Variants in DENND1B observed in about 807,000 individuals in gnomAD.
DENND1B encodes the protein DENN domain containing 1B.
DENND1B carries 59 observed loss-of-function variants against 90.1 expected under a neutral mutation model. The observed-to-expected ratio is 0.65, with a 90% confidence interval of 0.53 to 0.81. DENND1B has a LOEUF of 0.81. DENND1B is among the 40% of genes least tolerant of loss of function. The pLI, the probability that DENND1B is intolerant of heterozygous loss-of-function variation, is 0.00. For synonymous variants in DENND1B, 337 were observed against 324.6 expected (o/e 1.04, Z -0.41); for missense variants, 862 against 912.6 (o/e 0.94, Z 0.71).
intron 16 of DENND1B, among the ~76,000 whole-genome samples, chr1:197,548,062 A>C (rs1417214718): frequency 2.0e-5 from 3 of 152,230 alleles, no homozygotes; most frequent in Admixed American, 1.3e-4. Context: ...AGCATTCTGT[A>C]ACCTTTGTCA....
At chr1:197,618,902 C>T (rs990334171) in intron 10 of DENND1B, among the ~76,000 whole-genome samples, 3 of 151,080 alleles carry the variant, frequency 2.0e-5, no homozygotes, top group Admixed American at 6.6e-5. Context: ...ACAAAGCTAT[C>T]CAAATCCTAT....
intron 5 of DENND1B, among the ~76,000 whole-genome samples, chr1:197,659,197 GT>G (rs1390950305): frequency 2.0e-5 from 3 of 151,436 alleles, no homozygotes; most frequent in Admixed American, 6.6e-5. Context: ...AGAAAATATT[GT>G]GATGCTTTTA....
At chr1:197,602,812 A>T (rs934088329) in intron 13 of DENND1B, among the ~76,000 whole-genome samples, 1 of 151,626 alleles carries the variant, frequency 6.6e-6, no homozygotes. Flanking sequence ...ACTTGAATGT[A>T]GATATTCAAA....
chr1:197,696,304 A>C (rs1191648719), intron 3 of DENND1B, among the ~76,000 whole-genome samples: 1 of 151,562 alleles, frequency 6.6e-6, no homozygotes, highest in Non-Finnish European at 1.5e-5. Context: ...AATTTCTACC[A>C]AGATTTGATT....
At chr1:197,584,147 T>C (rs1674489213) in intron 14 of DENND1B, among the ~76,000 whole-genome samples, 1 of 152,010 alleles carries the variant, frequency 6.6e-6, no homozygotes, top group Non-Finnish European at 1.5e-5. Context: ...AATAGAACTT[T>C]GAAAAAAAAT....
At chr1:197,575,197 A>C (rs892576995) in intron 15 of DENND1B, among the ~76,000 whole-genome samples, 2 of 152,180 alleles carry the variant, frequency 1.3e-5, no homozygotes, top group Non-Finnish European at 2.9e-5. Flanking sequence ...CCATCTGACA[A>C]AGGGATAATA....
chr1:197,653,635 C>T (rs1291363859), intron 6 of DENND1B, among the ~76,000 whole-genome samples: 1 of 151,998 alleles, frequency 6.6e-6, no homozygotes, highest in Admixed American at 6.6e-5. Context: ...ATAAGGAACA[C>T]AAATGGAGCC....
At chr1:197,723,931 T>C (rs1661410805) in intron 2 of DENND1B, among the ~76,000 whole-genome samples, 1 of 152,138 alleles carries the variant, frequency 6.6e-6, no homozygotes, top group South Asian at 2.1e-4. Flanking sequence ...AGAAACAGTC[T>C]TAATGTGAAA....
At chr1:197,595,451 C>T in intron 13 of DENND1B, 118 bp from the exon 14 acceptor site, 1 of 1,250,220 alleles carries the variant, frequency 8.0e-7, no homozygotes, top group South Asian at 1.5e-5. Context: ...CATCCTCCTC[C>T]CTGATAGCTT....
chr1:197,576,077 T>C (rs1218594866), intron 15 of DENND1B, among the ~76,000 whole-genome samples: 1 of 151,576 alleles, frequency 6.6e-6, no homozygotes, highest in East Asian at 1.9e-4. Context: ...ACCTAAAGTA[T>C]AATTTAAAAA....
Position 197,583,349 on chromosome 1 carries a change from G to A in DENND1B, c.1048-96C>T, listed in dbSNP as rs185538335. The A allele has an allele frequency of 3.4e-3, 3,826 of 1,131,138 alleles. 19 individuals carry two copies. The highest frequency in any genetic ancestry group is 0.01 in the Middle Eastern group (50 of 4,858). 70.1% of individuals were successfully genotyped at this position (1,131,138 alleles called of 1,614,324 possible). A position where few individuals can be genotyped will look rare whatever the true frequency, so the allele number is the denominator to read the frequency against. Reference sequence around the variant, plus strand: ...GTATGTGAAGAGTGATAGAGGAAGCGTAAGGTGCAGAAGCAACAGACCCTT... The same window carrying A: ...GTATGTGAAGAGTGATAGAGGAAGCATAAGGTGCAGAAGCAACAGACCCTT... On this transcript the variant is annotated intron_variant, in intron 14 of 22. Transcript: ENST00000620048.
chr1:197,514,570 T>G (rs1477772498), intron 20 of DENND1B, among the ~76,000 whole-genome samples: 1 of 151,634 alleles, frequency 6.6e-6, no homozygotes, highest in African/African-American at 2.4e-5. Flanking sequence ...TTCAAAATAA[T>G]TTAATGGTGG....
chr1:197,735,870 C>T (rs1662625750), intron 2 of DENND1B: 5 of 1,573,636 alleles, frequency 3.2e-6, no homozygotes, highest in Middle Eastern at 1.7e-4. Context: ...AGTCAAATTG[C>T]AGGGGGCTAT....
intron 10 of DENND1B, among the ~76,000 whole-genome samples, chr1:197,639,916 G>C (rs1396717032): frequency 2.6e-5 from 4 of 152,128 alleles, no homozygotes; most frequent in Non-Finnish European, 4.4e-5. Context: ...GATCATGAAA[G>C]AGAACTTGAA....
chr1:197,673,212 A>G lies in DENND1B; in HGVS notation c.176+908T>C, dbSNP rs1370934739. 2.0e-5 allele frequency among the ~76,000 whole-genome samples: 3 copies of G among 152,036 alleles called. No homozygotes were observed. In the East Asian group the frequency reaches 5.8e-4, roughly 29 times the overall value. ...TGACCTCTAGTGCCCAAGATTCATA[A>G]TATCCTTTTTGTAGCTGGATCCTAA... On this transcript the variant is annotated intron_variant, in intron 4 of 22. Coordinates refer to ENST00000620048, the MANE Select transcript of DENND1B (RefSeq NM_001195215.2).
chr1:197,770,737 AAT>A lies in DENND1B; in HGVS notation c.82+2129_82+2130del, dbSNP rs1214423448. ...AAATATATATCTATAAATATATATA[AAT>A]ATATATATCTATAAATATATATAAA... is the stretch of plus-strand genomic sequence containing the variant. On this transcript the variant is annotated intron_variant, in intron 2 of 22. Coordinates refer to ENST00000620048, the MANE Select transcript of DENND1B (RefSeq NM_001195215.2). Among the ~76,000 whole-genome samples the A allele has an allele frequency of 4.2e-3, 590 of 139,682 alleles. 1 individual carries two copies. The highest frequency in any genetic ancestry group is 7.6e-3 in the Middle Eastern group (2 of 264). The allele number at this position is 139,682 out of a possible 152,430, so 91.6% of individuals were successfully genotyped here.
At chr1:197,732,905 T>C (rs999131417) in intron 2 of DENND1B, among the ~76,000 whole-genome samples, 4 of 151,986 alleles carry the variant, frequency 2.6e-5, no homozygotes, top group African/African-American at 4.8e-5. Flanking sequence ...CTCCAAGGAG[T>C]TGTATAATAA....
chr1:197,759,413 A>G (rs1049787429), intron 2 of DENND1B, among the ~76,000 whole-genome samples: 2 of 151,058 alleles, frequency 1.3e-5, no homozygotes, highest in South Asian at 2.1e-4. Flanking sequence ...AATATTAAAT[A>G]TATAATAAAT....
chr1:197,747,522 G>T, intron 2 of DENND1B: 1 of 208,982 alleles, frequency 4.8e-6, no homozygotes, highest in Non-Finnish European at 9.6e-6. Flanking sequence ...TTTAAATATT[G>T]GGAGAGTTAC....
Sources: gnomAD v4.1 joint callset for allele counts (sites outside exome capture counted in the v4.1 genomes callset) on GRCh38, gnomAD v4.1.1 for gene constraint, MANE v1.5 for transcripts, NCBI Gene and HGNC (gene_info 2026-07-23, HGNC 2026-07-21) for gene names.